The following RMDN1 variants were observed in gnomAD, a reference collection of about 807,000 sequenced individuals.
The protein encoded by RMDN1 is regulator of microtubule dynamics protein 1.
RMDN1 carries 48 observed loss-of-function variants against 48.9 expected under a neutral mutation model. The ratio of observed to expected loss-of-function variants is 0.98; its 90% CI spans 0.78 to 1.25. The LOEUF (loss-of-function observed/expected upper bound fraction) is 1.25, where lower values mean the gene tolerates loss of function less well. RMDN1 is among the 50% of genes most tolerant of loss of function. The pLI, the probability that RMDN1 is intolerant of heterozygous loss-of-function variation, is 0.00. For synonymous variants in RMDN1, 148 were observed against 132.6 expected, an observed-to-expected ratio of 1.12 and a Z score of -0.80; for missense variants, 418 against 373.4, an observed-to-expected ratio of 1.12 and a Z score of -0.98.
chr8:86,501,309 C>T (rs113212905), intron 2 of RMDN1, among the ~76,000 whole-genome samples: 26 of 152,274 alleles, frequency 1.7e-4, no homozygotes, highest in African/African-American at 6.3e-4. Flanking sequence ...GAAAGCACTA[C>T]ATCTTTACAA....
chr8:86,487,822 G>C (rs1385094812), intron 3 of RMDN1, among the ~76,000 whole-genome samples: 2 of 152,082 alleles, frequency 1.3e-5, no homozygotes, highest in African/African-American at 4.8e-5. Flanking sequence ...GGGAAGAATG[G>C]AGAAGAAAAG....
At chr8:86,489,377 GA>G (rs1425453135) in intron 2 of RMDN1, among the ~76,000 whole-genome samples, 1 of 151,920 alleles carries the variant, frequency 6.6e-6, no homozygotes, top group African/African-American at 2.4e-5. Context: ...TCTACTTAAT[GA>G]AAAAAACAGT....
intron 5 of RMDN1, among the ~76,000 whole-genome samples, chr8:86,480,872 T>C (rs1484819371): frequency 1.3e-5 from 2 of 152,064 alleles, no homozygotes; most frequent in Non-Finnish European, 2.9e-5. Context: ...TCCCCATCTG[T>C]ACTTACCAAA....
chr8:86,506,900 T>C, intron 2 of RMDN1, 95 bp downstream of exon 2: 1 of 669,198 alleles, frequency 1.5e-6, no homozygotes, highest in Admixed American at 2.4e-5. Flanking sequence ...TTTTCTATTA[T>C]TAACATTACC....
intron 2 of RMDN1, among the ~76,000 whole-genome samples, chr8:86,493,916 T>C (rs1816902283): frequency 6.6e-6 from 1 of 152,128 alleles, no homozygotes; most frequent in South Asian, 2.1e-4. Context: ...CAATCCAAAA[T>C]CGGAAACACT....
intron 7 of RMDN1, among the ~76,000 whole-genome samples, chr8:86,477,905 A>G (rs1563587535): frequency 1.3e-5 from 2 of 151,432 alleles, no homozygotes; most frequent in Non-Finnish European, 1.5e-5. Flanking sequence ...AAAAAAAAAA[A>G]GAACCAGGTC....
At chr8:86,486,668 A>C (rs1275018375) in intron 3 of RMDN1, 25 bp from the exon 4 acceptor site, 4 of 1,575,278 alleles carry the variant, frequency 2.5e-6, no homozygotes, top group East Asian at 2.2e-5. Context: ...AATATAAAAC[A>C]ACCATTTTAG....
chr8:86,479,319 T>C (rs903370436), intron 6 of RMDN1, among the ~76,000 whole-genome samples: 28 of 152,164 alleles, frequency 1.8e-4, no homozygotes, highest in Admixed American at 1.8e-3. Flanking sequence ...CAATTATATA[T>C]GAGATAGGAT....
upstream of RMDN1, among the ~76,000 whole-genome samples, chr8:86,512,027 A>C (rs555457925): frequency 2.6e-5 from 4 of 152,312 alleles, no homozygotes; most frequent in African/African-American, 9.6e-5. Context: ...TCTAACATGA[A>C]TTCAACACAT....
chr8:86,500,641 TA>T (rs1288266297), intron 2 of RMDN1, among the ~76,000 whole-genome samples: 1 of 152,042 alleles, frequency 6.6e-6, no homozygotes, highest in Non-Finnish European at 1.5e-5. Context: ...GAGATTTCTT[TA>T]AAAAAACTTA....
At chr8:86,505,749 G>T (rs1331790507) in intron 2 of RMDN1, among the ~76,000 whole-genome samples, 1 of 152,144 alleles carries the variant, frequency 6.6e-6, no homozygotes, top group Non-Finnish European at 1.5e-5. Context: ...TTCATGCTGG[G>T]GAGGTTAGCG....
intron 8 of RMDN1, 102 bp from the exon 9 acceptor site, chr8:86,475,055 A>G (rs1813136548): frequency 7.5e-6 from 7 of 934,134 alleles, no homozygotes; most frequent in African/African-American, 6.7e-5. Flanking sequence ...TGTGTGGTCA[A>G]TAAGTGATTA....
chr8:86,469,057 G>C (rs939664238), downstream of RMDN1, among the ~76,000 whole-genome samples: 5 of 148,734 alleles, frequency 3.4e-5, no homozygotes, highest in Admixed American at 3.4e-4. Flanking sequence ...CCAGGGAATA[G>C]CTCACAGGCC....
intron 2 of RMDN1, among the ~76,000 whole-genome samples, chr8:86,488,968 A>T (rs1378449689): frequency 6.6e-6 from 1 of 152,222 alleles, no homozygotes; most frequent in Non-Finnish European, 1.5e-5. Flanking sequence ...AAACTCTCAT[A>T]ATATTTTAAG....
downstream of RMDN1, chr8:86,470,230 G>A (rs1461157285): frequency 7.8e-7 from 1 of 1,289,168 alleles, no homozygotes; most frequent in Non-Finnish European, 1.0e-6. Flanking sequence ...TGATATACAT[G>A]TACGTGGGGA....
rs184006348 is a variant in RMDN1 at position 86,500,550 on chromosome 8, G to C, written c.247+6445C>G. ...ATAATTAAAAAAAAAAAAGATGCTG[G>C]TGAGGTTGTGGAGAAAAGGGAATAC... On this transcript the variant is annotated intron_variant, in intron 2 of 9. Coordinates refer to ENST00000406452, the MANE Select transcript of RMDN1 (RefSeq NM_016033.3). Among the ~76,000 whole-genome samples the C allele has an allele frequency of 2.0e-3, 299 of 151,598 alleles. 3 individuals carry two copies. The highest frequency in any genetic ancestry group is 6.8e-3 in the Middle Eastern group (2 of 294).
chr8:86,468,433 TAAAAA>T (rs200863041), downstream of RMDN1: 11 of 414,830 alleles, frequency 2.7e-5, no homozygotes, highest in South Asian at 1.6e-4. Context: ...CCTAAAGAAT[TAAAAA>T]AAAAATTCTA....
intron 4 of RMDN1, among the ~76,000 whole-genome samples, chr8:86,485,236 C>A (rs1815269306): frequency 6.6e-6 from 1 of 152,084 alleles, no homozygotes; most frequent in Non-Finnish European, 1.5e-5. Flanking sequence ...GAGGCCCTGG[C>A]CAACATGGTG....
At chr8:86,471,408 A>AAGT (rs557873126), downstream of RMDN1, among the ~76,000 whole-genome samples, 424 of 152,248 alleles carry the variant, frequency 2.8e-3, no homozygotes, top group African/African-American at 9.6e-3. Context: ...AAGTCACTCT[A>AAGT]AAGAGAAATT....
Sources: allele counts gnomAD v4.1 joint callset (sites outside exome capture counted in the v4.1 genomes callset), GRCh38; gene constraint gnomAD v4.1.1; transcripts MANE v1.5; gene names NCBI Gene and HGNC (gene_info 2026-07-23, HGNC 2026-07-21).